The following ADGRL2 variants were observed in gnomAD, a reference collection of about 807,000 sequenced individuals.
ADGRL2 encodes the protein calcium-independent alpha-latrotoxin receptor 2.
A neutral mutation model predicts 157.4 loss-of-function variants in ADGRL2; 44 were observed. That is an observed-to-expected ratio of 0.28 (90% CI 0.22 to 0.36). The LOEUF is 0.36. ADGRL2 is among the 10% of genes least tolerant of loss of function. The probability of loss-of-function intolerance (pLI) is 1.00; values close to 1 mark genes in which losing one functional copy is unlikely to be tolerated. For missense variants in ADGRL2, 1,510 were observed against 1,768.9 expected (o/e 0.85, Z 2.63); for synonymous variants, 585 against 624.7 (o/e 0.94, Z 0.95).
intron 3 of ADGRL2, chr1:81,625,669 C>A (rs1044306251): frequency 6.6e-6 from 1 of 152,136 alleles, no homozygotes; most frequent in Non-Finnish European, 1.5e-5. Flanking sequence ...TTAGAAGAGA[C>A]ATTTCCAATA....
intron 1 of ADGRL2, among the ~76,000 whole-genome samples, chr1:81,835,433 G>A (rs1317827631): frequency 6.6e-6 from 1 of 152,122 alleles, no homozygotes; most frequent in African/African-American, 2.4e-5. Context: ...TAACTTTCAG[G>A]TTTAAGGCAG....
At chr1:81,691,806 T>C (rs891820024) in intron 3 of ADGRL2, among the ~76,000 whole-genome samples, 9 of 150,812 alleles carry the variant, frequency 6.0e-5, no homozygotes, top group Non-Finnish European at 1.2e-4. Flanking sequence ...GCCCTCTTTT[T>C]AGGACTTTTG....
At chr1:81,434,696 T>C (rs1380933064) in intron 1 of ADGRL2, among the ~76,000 whole-genome samples, 1 of 152,116 alleles carries the variant, frequency 6.6e-6, no homozygotes, top group East Asian at 1.9e-4. Context: ...AGAATGAGTA[T>C]CATCTCTCAT....
intron 3 of ADGRL2, among the ~76,000 whole-genome samples, chr1:81,583,534 C>T (rs1447338057): frequency 2.0e-5 from 3 of 152,084 alleles, no homozygotes; most frequent in African/African-American, 4.8e-5. Flanking sequence ...CTTCCAGACA[C>T]TTGACTGCTT....
chr1:81,902,585 G>C (rs1482014746), intron 2 of ADGRL2, among the ~76,000 whole-genome samples: 2 of 152,046 alleles, frequency 1.3e-5, no homozygotes, highest in African/African-American at 4.8e-5. Context: ...CAGCCTGGGT[G>C]ACAGAGCAAG....
chr1:81,419,621 G>A (rs1242842126), intron 1 of ADGRL2, among the ~76,000 whole-genome samples: 1 of 152,172 alleles, frequency 6.6e-6, no homozygotes, highest in East Asian at 1.9e-4. Context: ...TTTGGAAAAT[G>A]CATAAATATC....
intron 2 of ADGRL2, among the ~76,000 whole-genome samples, chr1:81,489,128 T>C (rs1570255943): frequency 6.6e-6 from 1 of 151,928 alleles, no homozygotes; most frequent in African/African-American, 2.4e-5. Flanking sequence ...TCCCAGCTAC[T>C]CTGGAGGCTG....
chr1:81,322,091 T>TATATATATATATATATATATATACAC (rs1660544498), intron 1 of ADGRL2, among the ~76,000 whole-genome samples: 1 of 98,308 alleles, frequency 1.0e-5, no homozygotes, highest in Non-Finnish European at 2.3e-5. Flanking sequence ...CTAATTCATA[T>TATATATATATATATATATATATACAC]ATATATATAT....
At chr1:81,484,722 C>T (rs894427817) in intron 2 of ADGRL2, among the ~76,000 whole-genome samples, 4 of 151,936 alleles carry the variant, frequency 2.6e-5, no homozygotes, top group African/African-American at 7.3e-5. Context: ...AAAAAATCAT[C>T]GTCTTAGAAG....
At chr1:81,335,004 A>G (rs2100722414) in intron 1 of ADGRL2, among the ~76,000 whole-genome samples, 1 of 152,296 alleles carries the variant, frequency 6.6e-6, no homozygotes, top group Admixed American at 6.5e-5. Context: ...ATTTTCTATT[A>G]CCAAAAATGA....
intron 3 of ADGRL2, among the ~76,000 whole-genome samples, chr1:81,635,970 G>A (rs1035963451): frequency 1.3e-5 from 2 of 152,158 alleles, no homozygotes; most frequent in Non-Finnish European, 2.9e-5. Context: ...CTCACACTCA[G>A]CACATATCCC....
At chr1:81,399,361 T>C (rs927836977) in intron 1 of ADGRL2, among the ~76,000 whole-genome samples, 2 of 152,256 alleles carry the variant, frequency 1.3e-5, no homozygotes, top group African/African-American at 4.8e-5. Flanking sequence ...TTTTATTATA[T>C]AGGTTTTCTA....
chr1:81,920,633 C>T (rs997666357), intron 3 of ADGRL2, among the ~76,000 whole-genome samples: 6 of 152,080 alleles, frequency 3.9e-5, no homozygotes, highest in African/African-American at 4.8e-5. Context: ...CCAGAGCTCC[C>T]GCCCTGAGGA....
chr1:81,408,099 C>T (rs1383452594), intron 1 of ADGRL2, among the ~76,000 whole-genome samples: 1 of 152,096 alleles, frequency 6.6e-6, no homozygotes, highest in Non-Finnish European at 1.5e-5. Flanking sequence ...TCATTTGTTA[C>T]GATGTACATC....
intron 2 of ADGRL2, among the ~76,000 whole-genome samples, chr1:81,885,679 A>G (rs2094112456): frequency 6.6e-6 from 1 of 152,222 alleles, no homozygotes; most frequent in Non-Finnish European, 1.5e-5. Context: ...CAAAAAGGGC[A>G]AGATGGGGAT....
chr1:81,937,204 T>C (rs1208323587), intron 4 of ADGRL2, among the ~76,000 whole-genome samples: 1 of 151,906 alleles, frequency 6.6e-6, no homozygotes, highest in Non-Finnish European at 1.5e-5. Context: ...GTTTTAATCG[T>C]GAGCTACTTG....
intron 2 of ADGRL2, among the ~76,000 whole-genome samples, chr1:81,528,574 G>A (rs940996792): frequency 2.0e-5 from 3 of 150,682 alleles, no homozygotes; most frequent in African/African-American, 4.9e-5. Flanking sequence ...ATGAACCAGG[G>A]TGGCGGAGCT....
intron 2 of ADGRL2, among the ~76,000 whole-genome samples, chr1:81,769,990 A>G (rs2149341709): frequency 6.6e-6 from 1 of 151,806 alleles, no homozygotes; most frequent in East Asian, 2.0e-4. Context: ...CAGCCTCCCA[A>G]GTAGCTGGGA....
Position 81,943,390 on chromosome 1 carries a change from A to G in ADGRL2, c.831A>G (p.Leu277=), listed in dbSNP as rs1648733925. 4 of 1,613,654 alleles carry G rather than the reference A, an allele frequency of 2.5e-6. No individual in the cohort carries two copies. Among genetic ancestry groups the G allele is most frequent in the East Asian group, 4.5e-5 (2 of 44,884 alleles). Residue 277 remains leucine (L), a synonymous_variant, in exon 6 of 24, where the codon TTA becomes TTG. Coordinates refer to ENST00000686636, the MANE Select transcript of ADGRL2 (RefSeq NM_001366006.2). The surrounding 1 kb of genome is among the most constrained non-coding windows in gnomAD (Gnocchi z 5.6). ...DIDLAVDENG[L]WVIYATEQNN... ...ACCTAGCAGTTGATGAAAATGGTTTATGGGTCATTTACGCCACTGAACAGA... is the reference window on the plus strand; with the variant it reads ...ACCTAGCAGTTGATGAAAATGGTTTGTGGGTCATTTACGCCACTGAACAGA...
Sources: gnomAD v4.1 joint callset for allele counts (sites outside exome capture counted in the v4.1 genomes callset) on GRCh38, gnomAD v4.1.1 for gene constraint, Gnocchi (gnomAD v3.1) non-coding constraint, MANE v1.5 for transcripts, NCBI Gene and HGNC (gene_info 2026-07-23, HGNC 2026-07-21) for gene names.